BBX: variants seen among roughly 807,000 people sequenced by gnomAD.
BBX encodes BBX high mobility group box domain containing.
BBX carries 30 observed loss-of-function variants against 100.2 expected under a neutral mutation model. The ratio of observed to expected loss-of-function variants is 0.30; its 90% CI spans 0.22 to 0.41. The LOEUF (loss-of-function observed/expected upper bound fraction) is 0.41. BBX is among the 10% of genes least tolerant of loss of function. The pLI is 1.00. For missense variants in BBX, 1,023 were observed against 1,129.8 expected (o/e 0.91, Z 1.35); for synonymous variants, 376 against 388.1 (o/e 0.97, Z 0.37).
chr3:107,557,102 C>T (rs1194994091), intron 2 of BBX, among the ~76,000 whole-genome samples: 1 of 152,078 alleles, frequency 6.6e-6, no homozygotes, highest in Non-Finnish European at 1.5e-5. Flanking sequence ...TTAACAAAAG[C>T]GTACACTGGT....
intron 3 of BBX, among the ~76,000 whole-genome samples, chr3:107,708,933 T>C (rs2061552282): frequency 6.6e-6 from 1 of 152,128 alleles, no homozygotes; most frequent in South Asian, 2.1e-4. Context: ...ATTTGTATAT[T>C]TAAAAAGATG....
chr3:107,750,972 C>A (rs1312031844), intron 9 of BBX, among the ~76,000 whole-genome samples: 1 of 152,196 alleles, frequency 6.6e-6, no homozygotes, highest in Non-Finnish European at 1.5e-5. Context: ...CTGGGCCCCG[C>A]CACCAAAGCT....
intron 2 of BBX, among the ~76,000 whole-genome samples, chr3:107,604,781 C>G (rs1576466136): frequency 1.9e-5 from 2 of 106,684 alleles, no homozygotes; most frequent in South Asian, 6.4e-4. Flanking sequence ...TTACATTTTT[C>G]CTTTTGAAAC....
intron 3 of BBX, among the ~76,000 whole-genome samples, chr3:107,691,684 T>C (rs917413029): frequency 3.3e-5 from 5 of 152,208 alleles, no homozygotes; most frequent in Non-Finnish European, 7.3e-5. Flanking sequence ...TATAAGATGA[T>C]TGGATTCATG....
intron 2 of BBX, among the ~76,000 whole-genome samples, chr3:107,552,067 C>A (rs1348126059): frequency 6.6e-6 from 1 of 151,980 alleles, no homozygotes; most frequent in Non-Finnish European, 1.5e-5. Flanking sequence ...TGGGGCTGGG[C>A]GCACTGGTTC....
At chr3:107,526,691 TGAAG>T (rs1188893064) in intron 2 of BBX, 1 of 209,384 alleles carries the variant, frequency 4.8e-6, no homozygotes, top group African/African-American at 2.3e-5. Context: ...TACATGGCAT[TGAAG>T]GTCTAGTAAA....
chr3:107,665,681 A>G (rs1576245852), intron 3 of BBX, among the ~76,000 whole-genome samples: 2 of 152,158 alleles, frequency 1.3e-5, no homozygotes, highest in African/African-American at 4.8e-5. Flanking sequence ...GCATTGTTCT[A>G]TGCTAATGTC....
At chr3:107,745,069 G>T (rs930453892) in intron 8 of BBX, among the ~76,000 whole-genome samples, 1 of 152,088 alleles carries the variant, frequency 6.6e-6, no homozygotes, top group Admixed American at 6.6e-5. Context: ...CATGGTTATT[G>T]GCTATGCAGC....
chr3:107,665,447 G>T (rs977117998), intron 3 of BBX, among the ~76,000 whole-genome samples: 1 of 151,982 alleles, frequency 6.6e-6, no homozygotes, highest in Admixed American at 6.6e-5. Context: ...AATGAAAAAC[G>T]CTTTGTCACT....
At chr3:107,545,575 A>G (rs1353970122) in intron 2 of BBX, among the ~76,000 whole-genome samples, 2 of 152,206 alleles carry the variant, frequency 1.3e-5, no homozygotes, top group African/African-American at 4.8e-5. Flanking sequence ...GGGCCACTGA[A>G]GACTGTACAG....
intron 16 of BBX, 57 bp downstream of exon 16, chr3:107,798,777 C>A (rs960591109): frequency 1.4e-6 from 2 of 1,471,206 alleles, no homozygotes; most frequent in Non-Finnish European, 1.9e-6. Flanking sequence ...CCCTGGGCCA[C>A]ACTGGAAGAA....
Position 107,789,827 on chromosome 3 carries a change from T to C in BBX, c.2244T>C (p.Ile748=). 1 of 1,550,052 alleles carries C rather than the reference T, an allele frequency of 6.5e-7. No individual in the cohort carries two copies. The highest frequency in any genetic ancestry group is 8.7e-7 in the Non-Finnish European group (1 of 1,145,822). Residue 748 remains isoleucine, a synonymous_variant, in exon 14 of 18, where the codon ATT becomes ATC. Coordinates refer to ENST00000325805, the MANE Select transcript of BBX (RefSeq NM_001142568.3). ...QSQKKNLFHK[I]VSKYKHKKEK... ...AGAAAAAGAACTTATTCCACAAAAT[T>C]GTCAGCAAATATAAGCACAAAAAGG...
intron 2 of BBX, among the ~76,000 whole-genome samples, chr3:107,619,021 T>C (rs138867923): frequency 6.6e-6 from 1 of 152,194 alleles, no homozygotes; most frequent in African/African-American, 2.4e-5. Context: ...GATTTGTCTG[T>C]TTCTCCTTTC....
chr3:107,565,857 A>G (rs569513348), intron 2 of BBX, among the ~76,000 whole-genome samples: 1 of 151,938 alleles, frequency 6.6e-6, no homozygotes, highest in South Asian at 2.1e-4. Context: ...TAGCTAAGAA[A>G]TTTTATTATG....
Position 107,689,028 on chromosome 3 carries a change from A to G in BBX, c.-9-21424A>G, listed in dbSNP as rs533440099. Among the ~76,000 whole-genome samples the G allele has an allele frequency of 3.9e-5, 6 of 152,320 alleles. No homozygotes were observed. In the East Asian group the frequency reaches 9.6e-4, roughly 24 times the overall value. ...TTGTGATTTTTGGTACACAGCAGAC[A>G]ACGACAGGTTTTCCTTATTTTTTTC... is the stretch of plus-strand genomic sequence containing the variant. On this transcript the variant is annotated intron_variant, in intron 3 of 17. Transcript: ENST00000325805.
intron 5 of BBX, among the ~76,000 whole-genome samples, chr3:107,723,911 T>G (rs2062727019): frequency 6.6e-6 from 1 of 152,208 alleles, no homozygotes; most frequent in Admixed American, 6.5e-5. Context: ...TTTATATTCC[T>G]TTGGGTATAT....
In BBX at chr3:107,758,296, AG is replaced by A. The variant is rs562248385; in HGVS notation, c.906+2620del. Reference sequence around the variant, plus strand: ...TGCTGGATCCTTTACCTATCTGACCAGGCAAAAAAGAAAACTGAAGGAAGTT... The same window carrying A: ...TGCTGGATCCTTTACCTATCTGACCAGCAAAAAAGAAAACTGAAGGAAGTT... On this transcript the variant is annotated intron_variant, in intron 10 of 17. Transcript: ENST00000325805. Among the ~76,000 whole-genome samples, 374 of 152,318 alleles carry A rather than the reference AG, an allele frequency of 2.5e-3. 2 individuals are homozygous for A. Among genetic ancestry groups the A allele is most frequent in the Non-Finnish European group, 2.8e-3 (191 of 68,022 alleles).
chr3:107,777,119 C>T (rs2067383107), intron 12 of BBX, among the ~76,000 whole-genome samples: 1 of 152,162 alleles, frequency 6.6e-6, no homozygotes, highest in Non-Finnish European at 1.5e-5. Flanking sequence ...CGTGCCATCC[C>T]ACTTCATTCC....
At position 107,564,590 on chromosome 3, in the gene BBX, CAG is replaced by C. The variant is rs765371238; in HGVS notation, c.-84+38193_-84+38194del. On this transcript the variant is annotated intron_variant, in intron 2 of 17. Transcript: ENST00000325805. ...CCTCCCATCATCTCAATCCTCCACACAGGGGGTGGACAGTTGTTCCAGCCCCG... is the reference window on the plus strand; with the variant it reads ...CCTCCCATCATCTCAATCCTCCACACGGGGTGGACAGTTGTTCCAGCCCCG... Among the ~76,000 whole-genome samples the C allele has an allele frequency of 5.0e-4, 76 of 152,344 alleles. 2 individuals carry two copies. The highest frequency in any genetic ancestry group is 4.3e-3 in the Admixed American group (66 of 15,300).
Sources: allele counts gnomAD v4.1 joint callset (sites outside exome capture counted in the v4.1 genomes callset), GRCh38; gene constraint gnomAD v4.1.1; transcripts MANE v1.5; gene names NCBI Gene and HGNC (gene_info 2026-07-23, HGNC 2026-07-21).